The following INAFM2 variants were observed in gnomAD, a reference collection of about 807,000 sequenced individuals.
INAFM2 encodes the protein putative transmembrane protein INAFM2.
A neutral mutation model predicts 5.6 loss-of-function variants in INAFM2; 3 were observed. The observed-to-expected ratio is 0.54, with a 90% confidence interval of 0.24 to 1.39. The LOEUF is 1.39. Ranked by LOEUF, INAFM2 falls within the 40% of genes most tolerant of loss-of-function variation. The probability of loss-of-function intolerance (pLI) is 0.16; values close to 1 mark genes in which losing one functional copy is unlikely to be tolerated. For synonymous variants in INAFM2, 113 were observed against 109.1 expected (o/e 1.04, Z -0.22); for missense variants, 186 against 217.5 (o/e 0.86, Z 0.91).
rs1888752883 is a variant in INAFM2, at chr15:40,324,492, C to T, written c.437C>T (p.Thr146Met). 3.3e-6 allele frequency: 4 copies of T among 1,225,728 alleles called. 1 individual carries two copies. In the South Asian group the frequency reaches 1.6e-4, roughly 51 times the overall value. The allele number at this position is 1,225,728 out of a possible 1,614,324, so 75.9% of individuals were successfully genotyped here. A position where few individuals can be genotyped will look rare whatever the true frequency, so the allele number is the denominator to read the frequency against. Residue 146 changes from threonine to methionine, a missense_variant, in exon 1 of 1, where the codon ACG becomes ATG. Coordinates refer to ENST00000638170, the MANE Select transcript of INAFM2 (RefSeq NM_001301268.2). ...GGGCCGGACGAGGACGAAGAGGAAA[C>T]GGCGGCGGCGCCCGGGAGTCGTTGA... ...PRGPDEDEEE[T>M]AAAPGSR
In INAFM2 at chr15:40,325,732, A is replaced by G. The variant is rs1888779774; in HGVS notation, c.*1215A>G. The G allele has an allele frequency of 6.6e-6, 1 of 152,236 alleles. No individual in the cohort carries two copies. The highest frequency in any genetic ancestry group is 2.4e-5 in the African/African-American group (1 of 41,458). The allele number at this position is 152,236 out of a possible 1,614,324, so 9.4% of individuals were successfully genotyped here. A position where few individuals can be genotyped will look rare whatever the true frequency, so the allele number is the denominator to read the frequency against. ...CACTCAGGATTGTGCTTTGAGAACC[A>G]GCTAATAGACCAGCCGAGGGAAGGT... On this transcript the variant is annotated 3_prime_UTR_variant, in exon 1 of 1. Transcript: ENST00000638170.
chr15:40,325,640 C>T lies in INAFM2; in HGVS notation c.*1123C>T, dbSNP rs905593192. The T allele has an allele frequency of 3.3e-5, 5 of 152,102 alleles. No individual in the cohort carries two copies. Among genetic ancestry groups the T allele is most frequent in the African/African-American group, 1.2e-4 (5 of 41,412 alleles). 9.4% of individuals were successfully genotyped at this position (152,102 alleles called of 1,614,324 possible). A position where few individuals can be genotyped will look rare whatever the true frequency, so the allele number is the denominator to read the frequency against. The stretch of plus-strand genomic sequence containing the variant: ...GATGAAATCTGTTGTAACACCAGAG[C>T]TTTGATTACACATCCTCTGGTTTTG... On this transcript the variant is annotated 3_prime_UTR_variant, in exon 1 of 1. Transcript: ENST00000638170.
At position 40,324,392 on chromosome 15, in the gene INAFM2, C is replaced by G; in HGVS notation, c.337C>G (p.Leu113Val). Residue 113 changes from leucine (L) to valine (V), a missense_variant, in exon 1 of 1, where the codon CTG becomes GTG. Transcript: ENST00000638170. The part of the protein sequence containing the change: ...RREAPRDVPP[L>V]QAARPAPPEP... ...CGAGGCGCCGCGCGACGTTCCCCCACTGCAGGCGGCGCGACCGGCGCCTCC... is the reference window on the plus strand; with the variant it reads ...CGAGGCGCCGCGCGACGTTCCCCCAGTGCAGGCGGCGCGACCGGCGCCTCC... 9.0e-6 allele frequency: 11 copies of G among 1,222,012 alleles called. No individual in the cohort carries two copies. Among genetic ancestry groups the G allele is most frequent in the African/African-American group, 1.6e-5 (1 of 64,012 alleles). 75.7% of individuals were successfully genotyped at this position (1,222,012 alleles called of 1,614,324 possible). A position where few individuals can be genotyped will look rare whatever the true frequency, so the allele number is the denominator to read the frequency against.
Position 40,325,761 on chromosome 15 carries a change from A to G in INAFM2, c.*1244A>G, listed in dbSNP as rs369534030. Reference sequence around the variant, plus strand: ...AATAGACCAGCCGAGGGAAGGTTGAATTGGCTGTCTTTACTTTTCCCGATA... The same window carrying G: ...AATAGACCAGCCGAGGGAAGGTTGAGTTGGCTGTCTTTACTTTTCCCGATA... On this transcript the variant is annotated 3_prime_UTR_variant, in exon 1 of 1. Coordinates refer to ENST00000638170, the MANE Select transcript of INAFM2 (RefSeq NM_001301268.2). 1.2e-4 allele frequency: 19 copies of G among 152,360 alleles called. No homozygotes were observed. The highest frequency in any genetic ancestry group is 4.3e-4 in the African/African-American group (18 of 41,580). 9.4% of individuals were successfully genotyped at this position (152,360 alleles called of 1,614,324 possible).
rs2289334 is a variant in INAFM2 at position 40,324,785 on chromosome 15, T to G, written c.*268T>G. 7.0e-6 allele frequency: 2 copies of G among 286,008 alleles called. No individual in the cohort carries two copies. Among genetic ancestry groups the G allele is most frequent in the East Asian group, 6.1e-5 (1 of 16,452 alleles). 17.7% of individuals were successfully genotyped at this position (286,008 alleles called of 1,614,324 possible). A position where few individuals can be genotyped will look rare whatever the true frequency, so the allele number is the denominator to read the frequency against. Reference sequence around the variant, plus strand: ...AGCCGTAGGGGGATGGGGGGAGGGGTGGGGAGATCCCGGCACCAAACCCTT... The same window carrying G: ...AGCCGTAGGGGGATGGGGGGAGGGGGGGGGAGATCCCGGCACCAAACCCTT... On this transcript the variant is annotated 3_prime_UTR_variant, in exon 1 of 1. Transcript: ENST00000638170.
At position 40,325,724 on chromosome 15, in the gene INAFM2, T is replaced by C. The variant is rs1409202842; in HGVS notation, c.*1207T>C. On this transcript the variant is annotated 3_prime_UTR_variant, in exon 1 of 1. Transcript: ENST00000638170. Reference sequence around the variant, plus strand: ...GGGCTTCACACTCAGGATTGTGCTTTGAGAACCAGCTAATAGACCAGCCGA... The same window carrying C: ...GGGCTTCACACTCAGGATTGTGCTTCGAGAACCAGCTAATAGACCAGCCGA... The C allele has an allele frequency of 6.6e-5, 10 of 152,200 alleles. No individual in the cohort carries two copies. Among genetic ancestry groups the C allele is most frequent in the Admixed American group, 6.5e-4 (10 of 15,284 alleles). 9.4% of individuals were successfully genotyped at this position (152,200 alleles called of 1,614,324 possible). A position where few individuals can be genotyped will look rare whatever the true frequency, so the allele number is the denominator to read the frequency against.
chr15:40,324,650 C>T lies in INAFM2; in HGVS notation c.*133C>T. ...AACGCCCCTCACACTCCCACCATCG[C>T]CGGCTGGCCCCGGAGCGGGAGGCCC... On this transcript the variant is annotated 3_prime_UTR_variant, in exon 1 of 1. Coordinates refer to ENST00000638170, the MANE Select transcript of INAFM2 (RefSeq NM_001301268.2). 1.7e-6 allele frequency: 1 copy of T among 604,716 alleles called. No individual in the cohort carries two copies. The highest frequency in any genetic ancestry group is 2.4e-6 in the Non-Finnish European group (1 of 420,012). The allele number at this position is 604,716 out of a possible 1,614,324, so 37.5% of individuals were successfully genotyped here. A position where few individuals can be genotyped will look rare whatever the true frequency, so the allele number is the denominator to read the frequency against.
In INAFM2 at chr15:40,326,447, G is replaced by A. The variant is rs1025060338; in HGVS notation, c.*1930G>A. ...GAGTCCACTTCCCTGTCCTCTTCCT[G>A]ATCCCTGCTTTCTGGACTGTTTAAA... On this transcript the variant is annotated 3_prime_UTR_variant, in exon 1 of 1. Transcript: ENST00000638170. 6.6e-6 allele frequency: 1 copy of A among 152,216 alleles called. No homozygotes were observed. The highest frequency in any genetic ancestry group is 2.4e-5 in the African/African-American group (1 of 41,438). 9.4% of individuals were successfully genotyped at this position (152,216 alleles called of 1,614,324 possible).
Position 40,324,109 on chromosome 15 carries a change from C to T in INAFM2, c.54C>T (p.Thr18=), listed in dbSNP as rs750609095. The change falls in exon 1 of 1, where the codon ACC becomes ACT. Residue 18 remains threonine (T), a synonymous_variant. Transcript: ENST00000638170. ...PAERGKPATY[T]GDKKAKMAAK... is the part of the protein sequence containing the mutation. ...AGCGGGGCAAGCCGGCCACCTACAC[C>T]GGGGACAAGAAGGCGAAGATGGCGG... 6.6e-5 allele frequency: 81 copies of T among 1,229,706 alleles called. No homozygotes were observed. Among genetic ancestry groups the T allele is most frequent in the Non-Finnish European group, 7.7e-5 (76 of 986,762 alleles). The allele number at this position is 1,229,706 out of a possible 1,614,324, so 76.2% of individuals were successfully genotyped here. A position where few individuals can be genotyped will look rare whatever the true frequency, so the allele number is the denominator to read the frequency against.
chr15:40,325,540 A>C lies in INAFM2; in HGVS notation c.*1023A>C, dbSNP rs940711549. On this transcript the variant is annotated 3_prime_UTR_variant, in exon 1 of 1. Coordinates refer to ENST00000638170, the MANE Select transcript of INAFM2 (RefSeq NM_001301268.2). The stretch of plus-strand genomic sequence containing the variant: ...CTTTTTTTTTTTCCTGCTCCTCAAA[A>C]TGTTGTCTTGTTCCGGCAATCACTT... 2 of 151,926 alleles carry C rather than the reference A, an allele frequency of 1.3e-5. No individual in the cohort carries two copies. The highest frequency in any genetic ancestry group is 2.9e-5 in the Non-Finnish European group (2 of 67,972). 9.4% of individuals were successfully genotyped at this position (151,926 alleles called of 1,614,324 possible).
chr15:40,324,478 G>A lies in INAFM2; in HGVS notation c.423G>A (p.Glu141=). The change falls in exon 1 of 1, where the codon GAG becomes GAA. Residue 141 remains glutamate, a synonymous_variant. Transcript: ENST00000638170. ...TCGAGCGGCCTCGGGGGCCGGACGA[G>A]GACGAAGAGGAAACGGCGGCGGCGC... is the stretch of plus-strand genomic sequence containing the variant. ...GPLERPRGPD[E]DEEETAAAPG... The A allele has an allele frequency of 3.3e-6, 4 of 1,227,746 alleles. No individual in the cohort carries two copies. The highest frequency in any genetic ancestry group is 4.1e-6 in the Non-Finnish European group (4 of 985,298). The allele number at this position is 1,227,746 out of a possible 1,614,324, so 76.1% of individuals were successfully genotyped here.
chr15:40,324,285 C>T lies in INAFM2; in HGVS notation c.230C>T (p.Pro77Leu), dbSNP rs1888746725. The T allele has an allele frequency of 3.3e-6, 4 of 1,228,628 alleles. No homozygotes were observed. Among genetic ancestry groups the T allele is most frequent in the Admixed American group, 4.2e-5 (1 of 23,580 alleles). 76.1% of individuals were successfully genotyped at this position (1,228,628 alleles called of 1,614,324 possible). A position where few individuals can be genotyped will look rare whatever the true frequency, so the allele number is the denominator to read the frequency against. The change falls in exon 1 of 1, where the codon CCC becomes CTC. Residue 77 changes from proline to leucine, a missense_variant. Physicochemically the swap from Pro to Leu is moderately conservative, Grantham distance 98 (BLOSUM62 -3). Around this residue, in one of 2 missense-constraint regions of INAFM2, gnomAD observed 148 missense variants for 140.2 expected, o/e 1.06. Coordinates refer to ENST00000638170, the MANE Select transcript of INAFM2 (RefSeq NM_001301268.2). ...GTSGGAAGPP[P>L]GGSNATGPSG... ...TCGGGGGGAGCCGCTGGCCCGCCCC[C>T]CGGCGGCTCCAACGCCACTGGCCCG...
In INAFM2 at chr15:40,324,806, C is replaced by A. The variant is rs1044327863; in HGVS notation, c.*289C>A. On this transcript the variant is annotated 3_prime_UTR_variant, in exon 1 of 1. Transcript: ENST00000638170. ...GGGGTGGGGAGATCCCGGCACCAAACCCTTCTGCGCCGCTCGCTCTGGTGT... is the reference window on the plus strand; with the variant it reads ...GGGGTGGGGAGATCCCGGCACCAAAACCTTCTGCGCCGCTCGCTCTGGTGT... The A allele has an allele frequency of 1.3e-4, 36 of 285,818 alleles. No homozygotes were observed. The highest frequency in any genetic ancestry group is 7.0e-4 in the African/African-American group (32 of 45,470). The allele number at this position is 285,818 out of a possible 1,614,324, so 17.7% of individuals were successfully genotyped here.
Position 40,324,400 on chromosome 15 carries a change from G to T in INAFM2, c.345G>T (p.Ala115=). 3 of 1,222,106 alleles carry T rather than the reference G, an allele frequency of 2.5e-6. No individual in the cohort carries two copies. Among genetic ancestry groups the T allele is most frequent in the Non-Finnish European group, 2.0e-6 (2 of 981,762 alleles). 75.7% of individuals were successfully genotyped at this position (1,222,106 alleles called of 1,614,324 possible). ...EAPRDVPPLQ[A]ARPAPPEPPA... Reference sequence around the variant, plus strand: ...CGCGCGACGTTCCCCCACTGCAGGCGGCGCGACCGGCGCCTCCGGAGCCCC... The same window carrying T: ...CGCGCGACGTTCCCCCACTGCAGGCTGCGCGACCGGCGCCTCCGGAGCCCC... The change falls in exon 1 of 1, where the codon GCG becomes GCT. Residue 115 remains alanine, a synonymous_variant. Transcript: ENST00000638170.
chr15:40,325,359 A>G lies in INAFM2; in HGVS notation c.*842A>G, dbSNP rs1198127648. 2 of 152,256 alleles carry G rather than the reference A, an allele frequency of 1.3e-5. No individual in the cohort carries two copies. Among genetic ancestry groups the G allele is most frequent in the Non-Finnish European group, 2.9e-5 (2 of 68,054 alleles). 9.4% of individuals were successfully genotyped at this position (152,256 alleles called of 1,614,324 possible). ...TTCTTTCCATCCTAGTGCCCCCACCAAAGAGGCTTCTTGTTGCAGCCCTCA... is the reference window on the plus strand; with the variant it reads ...TTCTTTCCATCCTAGTGCCCCCACCGAAGAGGCTTCTTGTTGCAGCCCTCA... On this transcript the variant is annotated 3_prime_UTR_variant, in exon 1 of 1. Transcript: ENST00000638170.
rs1023939355 is a variant in INAFM2, at chr15:40,325,141, C to T, written c.*624C>T. The T allele has an allele frequency of 6.6e-6, 1 of 152,246 alleles. No individual in the cohort carries two copies. The highest frequency in any genetic ancestry group is 1.9e-4 in the East Asian group (1 of 5,206). 9.4% of individuals were successfully genotyped at this position (152,246 alleles called of 1,614,324 possible). A position where few individuals can be genotyped will look rare whatever the true frequency, so the allele number is the denominator to read the frequency against. On this transcript the variant is annotated 3_prime_UTR_variant, in exon 1 of 1. Coordinates refer to ENST00000638170, the MANE Select transcript of INAFM2 (RefSeq NM_001301268.2). ...ATTTGCTGTCCCCCAAAAAGTACAC[C>T]TGGCCAGAAGGGCACAAACACGGCT... is the stretch of plus-strand genomic sequence containing the variant.
In INAFM2 at chr15:40,324,391, A is replaced by G. The variant is rs1168624320; in HGVS notation, c.336A>G (p.Pro112=). ...SRREAPRDVP[P]LQAARPAPPE... Reference sequence around the variant, plus strand: ...GCGAGGCGCCGCGCGACGTTCCCCCACTGCAGGCGGCGCGACCGGCGCCTC... The same window carrying G: ...GCGAGGCGCCGCGCGACGTTCCCCCGCTGCAGGCGGCGCGACCGGCGCCTC... Residue 112 remains proline (P), a synonymous_variant, in exon 1 of 1, where the codon CCA becomes CCG. Transcript: ENST00000638170. 5 of 1,221,290 alleles carry G rather than the reference A, an allele frequency of 4.1e-6. No individual in the cohort carries two copies. In the African/African-American group the frequency reaches 4.7e-5, roughly 12 times the overall value. 75.7% of individuals were successfully genotyped at this position (1,221,290 alleles called of 1,614,324 possible).
In INAFM2 at chr15:40,324,777, G is replaced by T. The variant is rs1050142654; in HGVS notation, c.*260G>T. 2 of 326,392 alleles carry T rather than the reference G, an allele frequency of 6.1e-6. No individual in the cohort carries two copies. The highest frequency in any genetic ancestry group is 1.1e-5 in the Non-Finnish European group (2 of 180,982). 20.2% of individuals were successfully genotyped at this position (326,392 alleles called of 1,614,324 possible). A position where few individuals can be genotyped will look rare whatever the true frequency, so the allele number is the denominator to read the frequency against. ...GGGCCCTGAGCCGTAGGGGGATGGG[G>T]GGAGGGGTGGGGAGATCCCGGCACC... On this transcript the variant is annotated 3_prime_UTR_variant, in exon 1 of 1. Coordinates refer to ENST00000638170, the MANE Select transcript of INAFM2 (RefSeq NM_001301268.2).
In INAFM2 at chr15:40,324,282, C is replaced by T. The variant is rs1888746682; in HGVS notation, c.227C>T (p.Pro76Leu). ...ACCTCGGGGGGAGCCGCTGGCCCGCCCCCCGGCGGCTCCAACGCCACTGGC... is the reference window on the plus strand; with the variant it reads ...ACCTCGGGGGGAGCCGCTGGCCCGCTCCCCGGCGGCTCCAACGCCACTGGC... ...AGTSGGAAGP[P>L]PGGSNATGPS... The change falls in exon 1 of 1, where the codon CCC becomes CTC. Residue 76 changes from proline (P) to leucine (L), a missense_variant. Around this residue, in one of 2 missense-constraint regions of INAFM2, gnomAD observed 148 missense variants for 140.2 expected, o/e 1.06. Coordinates refer to ENST00000638170, the MANE Select transcript of INAFM2 (RefSeq NM_001301268.2). The T allele has an allele frequency of 4.1e-6, 5 of 1,228,332 alleles. No individual in the cohort carries two copies. The highest frequency in any genetic ancestry group is 4.1e-5 in the South Asian group (1 of 24,250). The allele number at this position is 1,228,332 out of a possible 1,614,324, so 76.1% of individuals were successfully genotyped here.
Sources: gnomAD v4.1 joint callset for allele counts on GRCh38, gnomAD v4.1.1 for gene constraint, gnomAD v4.1.1 regional missense constraint, MANE v1.5 for transcripts, NCBI Gene and HGNC (gene_info 2026-07-23, HGNC 2026-07-21) for gene names.